SNRNP70: variants seen among roughly 807,000 people sequenced by gnomAD.
SNRNP70 encodes the protein U1 small nuclear ribonucleoprotein 70 kDa.
Under a neutral mutation model 50.5 loss-of-function variants are expected in SNRNP70, and 8 were observed. The ratio of observed to expected loss-of-function variants is 0.16; its 90% confidence interval spans 0.09 to 0.29. The LOEUF is 0.29. Ranked by LOEUF, SNRNP70 falls within the 10% of genes least tolerant of loss-of-function variation. The probability of loss-of-function intolerance (pLI) is 1.00; values close to 1 mark genes in which losing one functional copy is unlikely to be tolerated. For synonymous variants in SNRNP70, 320 were observed against 252.9 expected, an observed-to-expected ratio of 1.27 and a Z score of -2.52; for missense variants, 529 against 663.5, an observed-to-expected ratio of 0.80 and a Z score of 2.23.
intron 4 of SNRNP70, among the ~76,000 whole-genome samples, chr19:49,097,994 A>T (rs1159157148): frequency 6.6e-6 from 1 of 152,224 alleles, no homozygotes; most frequent in Non-Finnish European, 1.5e-5. Context: ...TGTGTCCAGT[A>T]GGTGGCAGTG....
In SNRNP70 at chr19:49,104,804, G is replaced by A. The variant is rs1167361453; in HGVS notation, c.577+69G>A. 3 of 925,794 alleles carry A rather than the reference G, an allele frequency of 3.2e-6. No individual in the cohort carries two copies. The African/African-American group carries it at 5.1e-5, about 16-fold the overall frequency. 57.3% of individuals were successfully genotyped at this position (925,794 alleles called of 1,614,324 possible). A position where few individuals can be genotyped will look rare whatever the true frequency, so the allele number is the denominator to read the frequency against. ...CTGGTGGCCTTGTTCTCCCTTCTCT[G>A]CTGCTTTCTGCTTCTCTGTCTCCTG... On this transcript the variant is annotated intron_variant, in intron 8 of 9. Coordinates refer to ENST00000598441, the MANE Select transcript of SNRNP70 (RefSeq NM_003089.6). This position sits in a 1 kb window ranked among gnomAD's most constrained non-coding sequence, Gnocchi z 5.4.
At chr19:49,106,955 G>C (rs890752456) in intron 8 of SNRNP70, among the ~76,000 whole-genome samples, 4 of 152,202 alleles carry the variant, frequency 2.6e-5, no homozygotes, top group Non-Finnish European at 5.9e-5. Flanking sequence ...TGAAACTCCA[G>C]GGGAAGGAAG....
In SNRNP70 at chr19:49,104,620, C is replaced by T; in HGVS notation, c.476-14C>T. ...GGGACTCCTCTCCCCTCCCCCTCCC[C>T]ACATCTGTTACAGCCGCTTACAAAC... On this transcript the variant is annotated splice_polypyrimidine_tract_variant and intron_variant, in intron 7 of 9. Transcript: ENST00000598441. The surrounding 1 kb of genome is among the most constrained non-coding windows in gnomAD (Gnocchi z 5.4). 2 of 1,549,976 alleles carry T rather than the reference C, an allele frequency of 1.3e-6. No homozygotes were observed. Among genetic ancestry groups the T allele is most frequent in the Non-Finnish European group, 1.7e-6 (2 of 1,145,516 alleles).
Position 49,107,923 on chromosome 19 carries a change from G to T in SNRNP70, c.794G>T (p.Arg265Leu). 6.5e-7 allele frequency: 1 copy of T among 1,547,596 alleles called. No individual in the cohort carries two copies. The highest frequency in any genetic ancestry group is 1.4e-5 in the African/African-American group (1 of 73,004). The change falls in exon 10 of 10, where the codon CGC becomes CTC. Residue 265 changes from arginine (R) to leucine (L), a missense_variant. Arg to Leu is a moderately radical substitution (Grantham distance 102). This residue lies in a region of SNRNP70 where 327 missense variants were observed against 308.8 expected (regional missense o/e 1.06). Transcript: ENST00000598441. This position sits in a 1 kb window ranked among gnomAD's most constrained non-coding sequence, Gnocchi z 6.0. The part of the protein sequence containing the change: ...RRSRSRDRRR[R>L]SRSRDKEERR... ...TCCCGCTCCCGGGACCGGCGGAGGCGCTCACGGAGTCGCGACAAGGAGGAG... is the reference window on the plus strand; with the variant it reads ...TCCCGCTCCCGGGACCGGCGGAGGCTCTCACGGAGTCGCGACAAGGAGGAG...
At chr19:49,102,228 C>T (rs931830587) in intron 7 of SNRNP70, 6 of 1,262,800 alleles carry the variant, frequency 4.8e-6, no homozygotes, top group Admixed American at 4.6e-5. Context: ...CACACCAGCC[C>T]AGCTTAGCCA....
At chr19:49,102,177 G>C in intron 7 of SNRNP70, 1 of 1,289,492 alleles carries the variant, frequency 7.8e-7, no homozygotes, top group Non-Finnish European at 1.0e-6. Context: ...GTGTATGGTT[G>C]GTATAAGGGT....
At chr19:49,101,328 G>A (rs961879805) in intron 6 of SNRNP70, 62 bp from the exon 7 acceptor site, 44 of 1,240,404 alleles carry the variant, frequency 3.5e-5, no homozygotes, top group Admixed American at 8.4e-5. Flanking sequence ...AGGCTGTTGT[G>A]GGGTTGGTGG....
chr19:49,092,899 C>T (rs1340538327), intron 4 of SNRNP70, among the ~76,000 whole-genome samples: 1 of 138,790 alleles, frequency 7.2e-6, no homozygotes, highest in Non-Finnish European at 1.6e-5. Flanking sequence ...TGTGCTCAGC[C>T]TCTTTTTTTT....
At chr19:49,098,315 G>C (rs1223684683) in intron 4 of SNRNP70, 112 bp from the exon 5 acceptor site, 3 of 844,276 alleles carry the variant, frequency 3.6e-6, no homozygotes, top group South Asian at 1.6e-5. Context: ...CCTCCAGTTA[G>C]GGGCCTCTCC....
intron 6 of SNRNP70, among the ~76,000 whole-genome samples, chr19:49,100,806 CAAAAAAAA>C (rs61621289): frequency 1.8e-5 from 2 of 112,396 alleles, no homozygotes; most frequent in Non-Finnish European, 3.6e-5. Flanking sequence ...ACTCTGTCTC[CAAAAAAAA>C]AAAAAAAAAA....
intron 2 of SNRNP70, among the ~76,000 whole-genome samples, chr19:49,087,064 C>T (rs1035939112): frequency 6.6e-6 from 1 of 150,736 alleles, no homozygotes; most frequent in Non-Finnish European, 1.5e-5. Flanking sequence ...CCTGTAATTC[C>T]AGCTACTTGG....
At position 49,098,584 on chromosome 19, in the gene SNRNP70, C is replaced by A; in HGVS notation, c.331-58C>A. 1.9e-6 allele frequency: 3 copies of A among 1,594,316 alleles called. No homozygotes were observed. In the South Asian group the frequency reaches 3.3e-5, roughly 18 times the overall value. ...AATAGGCTAGGTACAGGGGAATGTT[C>A]CAGGGGCTGTGGGACAGCTCTGTTC... On this transcript the variant is annotated intron_variant, in intron 5 of 9. Coordinates refer to ENST00000598441, the MANE Select transcript of SNRNP70 (RefSeq NM_003089.6).
At chr19:49,087,343 T>C (rs1273608569) in intron 2 of SNRNP70, among the ~76,000 whole-genome samples, 7 of 152,144 alleles carry the variant, frequency 4.6e-5, no homozygotes, top group African/African-American at 7.2e-5. Context: ...TCTTTATCTT[T>C]AGCAAGGGGA....
intron 4 of SNRNP70, chr19:49,090,764 G>A (rs2040437798): frequency 1.8e-6 from 1 of 558,456 alleles, no homozygotes; most frequent in Middle Eastern, 4.7e-4. Flanking sequence ...CTCCTGCATG[G>A]GAGGACAGTT....
At position 49,098,403 on chromosome 19, in the gene SNRNP70, T is replaced by C. The variant is rs557131690; in HGVS notation, c.266-24T>C. 11 of 1,596,842 alleles carry C rather than the reference T, an allele frequency of 6.9e-6. No homozygotes were observed. The Admixed American group carries it at 8.6e-5, about 13-fold the overall frequency. ...TGAGACCATGGACACCTTCAACTTA[T>C]AAAATTCCTTTCTTCCTGCACAGGG... On this transcript the variant is annotated intron_variant, in intron 4 of 9. Coordinates refer to ENST00000598441, the MANE Select transcript of SNRNP70 (RefSeq NM_003089.6).
chr19:49,107,760 G>A lies in SNRNP70; in HGVS notation c.666-35G>A, dbSNP rs2040692517. ...CTGGGGTGGGGGGCGGTCACGGGGGGAGCCCAGCCACACAGGTCTGCCCAC... is the reference window on the plus strand; with the variant it reads ...CTGGGGTGGGGGGCGGTCACGGGGGAAGCCCAGCCACACAGGTCTGCCCAC... On this transcript the variant is annotated intron_variant, in intron 9 of 9. Coordinates refer to ENST00000598441, the MANE Select transcript of SNRNP70 (RefSeq NM_003089.6). The surrounding 1 kb of genome is among the most constrained non-coding windows in gnomAD (Gnocchi z 6.0). 6 of 1,611,994 alleles carry A rather than the reference G, an allele frequency of 3.7e-6. No homozygotes were observed. The highest frequency in any genetic ancestry group is 2.7e-5 in the African/African-American group (2 of 74,904).
chr19:49,108,110 T>C lies in SNRNP70; in HGVS notation c.981T>C (p.Pro327=). 1.3e-6 allele frequency: 2 copies of C among 1,548,828 alleles called. No individual in the cohort carries two copies. The highest frequency in any genetic ancestry group is 1.7e-6 in the Non-Finnish European group (2 of 1,147,728). ...CCTCCGAGGCGGGTGACGCGCCCCC[T>C]GATGATGGGCCTCCAGGGGAGCTCG... is the stretch of plus-strand genomic sequence containing the variant. ...AEPSEAGDAP[P]DDGPPGELGP... Residue 327 remains proline, a synonymous_variant, in exon 10 of 10, where the codon CCT becomes CCC. Coordinates refer to ENST00000598441, the MANE Select transcript of SNRNP70 (RefSeq NM_003089.6).
chr19:49,094,057 C>T (rs1296278932), intron 4 of SNRNP70, among the ~76,000 whole-genome samples: 7 of 151,896 alleles, frequency 4.6e-5, no homozygotes, highest in Admixed American at 1.3e-4. Context: ...ATTGGGCGAA[C>T]AAAAAAGTTC....
In SNRNP70 at chr19:49,104,731, G is replaced by T; in HGVS notation, c.573G>T (p.Arg191=). 6.5e-7 allele frequency: 1 copy of T among 1,544,158 alleles called. No homozygotes were observed. The highest frequency in any genetic ancestry group is 8.7e-7 in the Non-Finnish European group (1 of 1,143,594). ...CCGTGAAGGGCTGGAGGCCCCGGCG[G>T]CTAGGTGAGCACATCCTGCCTTCGA... ...GRTVKGWRPR[R]LGGGLGGTRR... is the part of the protein sequence containing the mutation. Residue 191 remains arginine, a synonymous_variant, in exon 8 of 10, where the codon CGG becomes CGT. Transcript: ENST00000598441. The surrounding 1 kb of genome is among the most constrained non-coding windows in gnomAD (Gnocchi z 5.4).
Sources: allele counts gnomAD v4.1 joint callset (sites outside exome capture counted in the v4.1 genomes callset), GRCh38; gene constraint gnomAD v4.1.1; regional missense constraint gnomAD v4.1.1; non-coding constraint Gnocchi (gnomAD v3.1); transcripts MANE v1.5; gene names NCBI Gene and HGNC (gene_info 2026-07-23, HGNC 2026-07-21).